GTPBP2: variants seen among roughly 807,000 people sequenced by gnomAD.
GTPBP2 encodes GTP binding protein 2.
GTPBP2 carries 32 observed loss-of-function variants against 63.0 expected under a neutral mutation model. The ratio of observed to expected loss-of-function variants is 0.51; its 90% CI spans 0.38 to 0.68. The LOEUF (loss-of-function observed/expected upper bound fraction) is 0.68, where lower values mean the gene tolerates loss of function less well. GTPBP2 is among the 30% of genes least tolerant of loss of function. GTPBP2 has a pLI of 0.00. For missense variants in GTPBP2, 492 were observed against 796.9 expected (o/e 0.62, Z 4.61); for synonymous variants, 310 against 322.6 (o/e 0.96, Z 0.42).
At position 43,629,262 on chromosome 6, in the gene GTPBP2, A is replaced by C. The variant is rs528207283; in HGVS notation, c.-100T>G. 5 of 906,216 alleles carry C rather than the reference A, an allele frequency of 5.5e-6. No individual in the cohort carries two copies. In the African/African-American group the frequency reaches 8.9e-5, roughly 16 times the overall value. 56.1% of individuals were successfully genotyped at this position (906,216 alleles called of 1,614,324 possible). On this transcript the variant is annotated 5_prime_UTR_variant, in exon 1 of 12. Transcript: ENST00000307126. ...TGCCGTGTCCGGCCGGCCTGAGCAG[A>C]GTGGGGTGGGGCTCTGCACAAGCTA... is the stretch of plus-strand genomic sequence containing the variant.
At position 43,626,836 on chromosome 6, in the gene GTPBP2, AAAAAG is replaced by A. The variant is rs947247067; in HGVS notation, c.213+81_213+85del. 1.7e-4 allele frequency: 190 copies of A among 1,134,840 alleles called. No individual in the cohort carries two copies. Among genetic ancestry groups the A allele is most frequent in the Non-Finnish European group, 2.3e-4 (179 of 778,822 alleles). 70.3% of individuals were successfully genotyped at this position (1,134,840 alleles called of 1,614,324 possible). A position where few individuals can be genotyped will look rare whatever the true frequency, so the allele number is the denominator to read the frequency against. On this transcript the variant is annotated intron_variant, in intron 2 of 11. Coordinates refer to ENST00000307126, the MANE Select transcript of GTPBP2 (RefSeq NM_019096.5). This position sits in a 1 kb window ranked among gnomAD's most constrained non-coding sequence, Gnocchi z 4.0. ...AGAGCAAAACTTCATCTCAAAAAAA[AAAAAG>A]AAAGAAAGAAAAAAGAAATTATCCC... is the stretch of plus-strand genomic sequence containing the variant.
In GTPBP2 at chr6:43,621,784, G is replaced by A; in HGVS notation, c.1639C>T (p.Leu547=). 6.2e-7 allele frequency: 1 copy of A among 1,614,216 alleles called. No homozygotes were observed. Among genetic ancestry groups the A allele is most frequent in the Non-Finnish European group, 8.5e-7 (1 of 1,180,048 alleles). ...VVEKIHAKDK[L]RTGEKAVVRF... Reference sequence around the variant, plus strand: ...ACCACTGCCTTCTCGCCTGTCCGCAGTTTGTCCTGCAGCAAATAAGTGGTC... The same window carrying A: ...ACCACTGCCTTCTCGCCTGTCCGCAATTTGTCCTGCAGCAAATAAGTGGTC... The change falls in exon 12 of 12, where the codon CTG becomes TTG. Residue 547 remains leucine, a synonymous_variant. Coordinates refer to ENST00000307126, the MANE Select transcript of GTPBP2 (RefSeq NM_019096.5).
In GTPBP2 at chr6:43,621,367, G is replaced by C; in HGVS notation, c.*247C>G. Reference sequence around the variant, plus strand: ...AGGCCACAGGGTTGCCAGGTTTGATGAGCCAACCAGGTGAGCACACAGCTT... The same window carrying C: ...AGGCCACAGGGTTGCCAGGTTTGATCAGCCAACCAGGTGAGCACACAGCTT... On this transcript the variant is annotated 3_prime_UTR_variant, in exon 12 of 12. Coordinates refer to ENST00000307126, the MANE Select transcript of GTPBP2 (RefSeq NM_019096.5). The C allele has an allele frequency of 6.8e-7, 1 of 1,478,804 alleles. No individual in the cohort carries two copies. Among genetic ancestry groups the C allele is most frequent in the South Asian group, 1.2e-5 (1 of 82,380 alleles). The allele number at this position is 1,478,804 out of a possible 1,614,324, so 91.6% of individuals were successfully genotyped here. A position where few individuals can be genotyped will look rare whatever the true frequency, so the allele number is the denominator to read the frequency against.
At position 43,626,255 on chromosome 6, in the gene GTPBP2, C is replaced by G. The variant is rs201932282; in HGVS notation, c.369G>C (p.Ser123=). The G allele has an allele frequency of 5.0e-6, 8 of 1,614,156 alleles. 1 individual carries two copies. In the Admixed American group the frequency reaches 5.0e-5, roughly 10 times the overall value. ...VGLAEEEMRA[S]LKTLHRMAEK... is the part of the protein sequence containing the mutation. The stretch of plus-strand genomic sequence containing the variant: ...CTGCCATCCGGTGCAGGGTCTTGAG[C>G]GAAGCTCGCATTTCCTCCTCAGCCA... The change falls in exon 3 of 12, where the codon TCG becomes TCC. Residue 123 remains serine, a synonymous_variant. Coordinates refer to ENST00000307126, the MANE Select transcript of GTPBP2 (RefSeq NM_019096.5). The surrounding 1 kb of genome is among the most constrained non-coding windows in gnomAD (Gnocchi z 4.0).
chr6:43,629,873 T>C, upstream of GTPBP2: 5 of 1,388,196 alleles, frequency 3.6e-6, no homozygotes, highest in South Asian at 6.8e-5. Context: ...GTCACTGCTT[T>C]ATTACCAGGC....
In GTPBP2 at chr6:43,626,827, T is replaced by C; in HGVS notation, c.213+95A>G. The C allele has an allele frequency of 3.0e-6, 3 of 993,456 alleles. No individual in the cohort carries two copies. Among genetic ancestry groups the C allele is most frequent in the African/African-American group, 1.7e-5 (1 of 59,230 alleles). The allele number at this position is 993,456 out of a possible 1,614,324, so 61.5% of individuals were successfully genotyped here. ...TAGGCAACAAGAGCAAAACTTCATC[T>C]CAAAAAAAAAAAAGAAAGAAAGAAA... On this transcript the variant is annotated intron_variant, in intron 2 of 11. Coordinates refer to ENST00000307126, the MANE Select transcript of GTPBP2 (RefSeq NM_019096.5). This position sits in a 1 kb window ranked among gnomAD's most constrained non-coding sequence, Gnocchi z 4.0.
chr6:43,628,427 G>T, intron 1 of GTPBP2: 1 of 333,072 alleles, frequency 3.0e-6, no homozygotes, highest in Non-Finnish European at 4.3e-6. Flanking sequence ...CAGCAATCCG[G>T]GTGATTCGAT....
In GTPBP2 at chr6:43,621,300, G is replaced by A; in HGVS notation, c.*314C>T. Reference sequence around the variant, plus strand: ...AAAACATGCCCAGTCTTAGTAGTGGGGACGAAGAATTGATGAGTGGATCCA... The same window carrying A: ...AAAACATGCCCAGTCTTAGTAGTGGAGACGAAGAATTGATGAGTGGATCCA... On this transcript the variant is annotated 3_prime_UTR_variant, in exon 12 of 12. Coordinates refer to ENST00000307126, the MANE Select transcript of GTPBP2 (RefSeq NM_019096.5). 5.5e-6 allele frequency: 4 copies of A among 722,492 alleles called. No individual in the cohort carries two copies. Among genetic ancestry groups the A allele is most frequent in the Non-Finnish European group, 8.9e-6 (4 of 447,734 alleles). The allele number at this position is 722,492 out of a possible 1,614,324, so 44.8% of individuals were successfully genotyped here.
chr6:43,622,709 G>A lies in GTPBP2; in HGVS notation c.1391C>T (p.Ser464Phe). ...ACCAGCTCGCAGCACACGACAGGCAGAGCGGTTGCGCTGGATGCTGCATAC... is the reference window on the plus strand; with the variant it reads ...ACCAGCTCGCAGCACACGACAGGCAAAGCGGTTGCGCTGGATGCTGCATAC... Reference protein sequence around the residue: ...LRVCSIQRNRSACRVLRAGQA... With the variant: ...LRVCSIQRNRFACRVLRAGQA... Residue 464 changes from serine to phenylalanine, a missense_variant, in exon 10 of 12, where the codon TCT (serine) becomes TTT (phenylalanine). This residue lies in a region of GTPBP2 where 400 missense variants were observed against 710.8 expected (regional missense o/e 0.56). Coordinates refer to ENST00000307126, the MANE Select transcript of GTPBP2 (RefSeq NM_019096.5). The surrounding 1 kb of genome is among the most constrained non-coding windows in gnomAD (Gnocchi z 5.4). 1.2e-6 allele frequency: 2 copies of A among 1,614,144 alleles called. No homozygotes were observed. Among genetic ancestry groups the A allele is most frequent in the Non-Finnish European group, 1.7e-6 (2 of 1,180,018 alleles).
upstream of GTPBP2, chr6:43,629,579 A>G (rs1352021927): frequency 2.8e-6 from 2 of 713,146 alleles, no homozygotes; most frequent in Non-Finnish European, 5.0e-6. Context: ...TGGGGACGCG[A>G]GGACACCAGC....
chr6:43,624,340 G>A lies in GTPBP2; in HGVS notation c.1100+170C>T, dbSNP rs1769113606. ...GCAGTGCTCCAGGTTGGCTCGGGAGGAGGGTCAAGCCCTTTAGCAAGATGC... is the reference window on the plus strand; with the variant it reads ...GCAGTGCTCCAGGTTGGCTCGGGAGAAGGGTCAAGCCCTTTAGCAAGATGC... On this transcript the variant is annotated intron_variant, in intron 7 of 11. Transcript: ENST00000307126. The surrounding 1 kb of genome is among the most constrained non-coding windows in gnomAD (Gnocchi z 5.1). Among the ~76,000 whole-genome samples, 1 of 152,214 alleles carries A rather than the reference G, an allele frequency of 6.6e-6. No homozygotes were observed. The highest frequency in any genetic ancestry group is 6.5e-5 in the Admixed American group (1 of 15,274).
chr6:43,628,783 T>G, intron 1 of GTPBP2, 194 bp downstream of exon 1: 1 of 801,850 alleles, frequency 1.2e-6, no homozygotes, highest in Middle Eastern at 2.2e-4. Flanking sequence ...CCTGAGGTCC[T>G]GTCACCTGAG....
At position 43,620,906 on chromosome 6, in the gene GTPBP2, C is replaced by A. The variant is rs1768672731; in HGVS notation, c.*708G>T. ...CAGCTGGCCTTTGGTATATGCCAAG[C>A]CTTTGCTTGGTAGCCCCACGCCTGG... On this transcript the variant is annotated 3_prime_UTR_variant, in exon 12 of 12. Transcript: ENST00000307126. 1 of 159,588 alleles carries A rather than the reference C, an allele frequency of 6.3e-6. No homozygotes were observed. The highest frequency in any genetic ancestry group is 2.4e-5 in the African/African-American group (1 of 41,528). 9.9% of individuals were successfully genotyped at this position (159,588 alleles called of 1,614,324 possible). A position where few individuals can be genotyped will look rare whatever the true frequency, so the allele number is the denominator to read the frequency against.
intron 9 of GTPBP2, chr6:43,623,437 C>T (rs1189831801): frequency 4.7e-6 from 2 of 425,468 alleles, no homozygotes; most frequent in African/African-American, 2.0e-5. Context: ...TGACGTCTCT[C>T]ATTTCCCTGT....
At chr6:43,623,011 GA>G in intron 9 of GTPBP2, 1 of 560,168 alleles carries the variant, frequency 1.8e-6, no homozygotes, top group Non-Finnish European at 3.2e-6. Context: ...AGTGATGGTG[GA>G]CAGAGAGACA....
chr6:43,624,652 G>A lies in GTPBP2; in HGVS notation c.958C>T (p.Leu320=), dbSNP rs1201845120. 13 of 1,614,176 alleles carry A rather than the reference G, an allele frequency of 8.1e-6. No homozygotes were observed. The highest frequency in any genetic ancestry group is 1.1e-5 in the Non-Finnish European group (13 of 1,180,022). ...CTCTCCACTGTGGTCTTGGCACATA[G>A]GTCGATCTTGCTGACCACGATGAAG... The part of the protein sequence containing the change: ...PFFIVVSKID[L]CAKTTVERTV... The change falls in exon 7 of 12, where the codon CTA becomes TTA. Residue 320 remains leucine (L), a synonymous_variant. Transcript: ENST00000307126. This position sits in a 1 kb window ranked among gnomAD's most constrained non-coding sequence, Gnocchi z 5.1.
At position 43,629,251 on chromosome 6, in the gene GTPBP2, G is replaced by A. The variant is rs1279403033; in HGVS notation, c.-89C>T. The A allele has an allele frequency of 4.1e-5, 40 of 981,144 alleles. No individual in the cohort carries two copies. Among genetic ancestry groups the A allele is most frequent in the Non-Finnish European group, 5.3e-5 (39 of 741,606 alleles). The allele number at this position is 981,144 out of a possible 1,614,324, so 60.8% of individuals were successfully genotyped here. ...CTTACTGCCACTGCCGTGTCCGGCC[G>A]GCCTGAGCAGAGTGGGGTGGGGCTC... On this transcript the variant is annotated 5_prime_UTR_variant, in exon 1 of 12. Transcript: ENST00000307126.
At chr6:43,623,452 G>A in intron 9 of GTPBP2, 1 of 465,816 alleles carries the variant, frequency 2.1e-6, no homozygotes, top group South Asian at 3.2e-5. Flanking sequence ...CCCTGTGTGA[G>A]ATGAAGTCAG....
intron 9 of GTPBP2, chr6:43,623,104 T>C (rs898845026): frequency 2.8e-6 from 1 of 356,446 alleles, no homozygotes; most frequent in African/African-American, 2.1e-5. Context: ...CTTTGCAGAG[T>C]CTTAGGCCAG....
Sources: allele counts gnomAD v4.1 joint callset (sites outside exome capture counted in the v4.1 genomes callset), GRCh38; gene constraint gnomAD v4.1.1; regional missense constraint gnomAD v4.1.1; non-coding constraint Gnocchi (gnomAD v3.1); transcripts MANE v1.5; gene names NCBI Gene and HGNC (gene_info 2026-07-23, HGNC 2026-07-21).